Variants in GRIA1 observed in about 807,000 individuals in gnomAD.
GRIA1 encodes glutamate ionotropic receptor AMPA type subunit 1.
Under a neutral mutation model 99.2 loss-of-function variants are expected in GRIA1, and 31 were observed. That is an observed-to-expected ratio of 0.31 (90% CI 0.23 to 0.42). The LOEUF (loss-of-function observed/expected upper bound fraction) is 0.42, where lower values mean the gene tolerates loss of function less well. Among genes scored for constraint, GRIA1 ranks in the 10% least tolerant of loss-of-function variants. The pLI is 1.00. For synonymous variants in GRIA1, 438 were observed against 432.4 expected (o/e 1.01, Z -0.16); for missense variants, 782 against 1,157.5 (o/e 0.68, Z 4.71).
intron 2 of GRIA1, among the ~76,000 whole-genome samples, chr5:153,629,007 T>G (rs1752730946): frequency 6.6e-6 from 1 of 152,158 alleles, no homozygotes; most frequent in African/African-American, 2.4e-5. Context: ...AATCTTTTGT[T>G]TTACCAATGA....
chr5:153,674,387 T>C (rs980579209), intron 5 of GRIA1, 113 bp from the exon 6 acceptor site: 3 of 1,144,414 alleles, frequency 2.6e-6, no homozygotes, highest in South Asian at 1.4e-5. Context: ...TGTCTCTCCA[T>C]TGAGTAGGTT....
At chr5:153,613,375 T>A (rs894580557) in intron 2 of GRIA1, among the ~76,000 whole-genome samples, 1 of 152,240 alleles carries the variant, frequency 6.6e-6, no homozygotes, top group African/African-American at 2.4e-5. Context: ...ATTAGTCTTA[T>A]TTGTTTTCCA....
intron 2 of GRIA1, among the ~76,000 whole-genome samples, chr5:153,609,932 A>G (rs564635653): frequency 6.6e-6 from 1 of 152,218 alleles, no homozygotes; most frequent in African/African-American, 2.4e-5. Flanking sequence ...TAAGTCTGGC[A>G]TGATATGGTT....
chr5:153,747,591 A>ATGTT (rs1762244152), intron 11 of GRIA1, among the ~76,000 whole-genome samples: 2 of 152,188 alleles, frequency 1.3e-5, no homozygotes, highest in South Asian at 2.1e-4. Context: ...GATGGTGAAT[A>ATGTT]TGTTTGGGGC....
At chr5:153,651,334 A>G (rs1379290891) in intron 4 of GRIA1, among the ~76,000 whole-genome samples, 1 of 152,116 alleles carries the variant, frequency 6.6e-6, no homozygotes, top group East Asian at 1.9e-4. Context: ...TTGACAGTAC[A>G]TTCTTCTATA....
chr5:153,623,516 A>T (rs192737471), intron 2 of GRIA1, among the ~76,000 whole-genome samples: 3 of 152,246 alleles, frequency 2.0e-5, no homozygotes, highest in Non-Finnish European at 2.9e-5. Flanking sequence ...AAGAGAAGAC[A>T]CTAATTAAGT....
In GRIA1 at chr5:153,663,434, C is replaced by A. The variant is rs1009767679; in HGVS notation, c.699+7562C>A. On this transcript the variant is annotated intron_variant, in intron 5 of 15. Transcript: ENST00000285900. Reference sequence around the variant, plus strand: ...GAAATAAACTCCTTTCTTCCTTAAACTGCCTGGGTTTGAAATCTGGCTCAG... The same window carrying A: ...GAAATAAACTCCTTTCTTCCTTAAAATGCCTGGGTTTGAAATCTGGCTCAG... 2.0e-5 allele frequency among the ~76,000 whole-genome samples: 3 copies of A among 152,230 alleles called. No individual in the cohort carries two copies. In the East Asian group the frequency reaches 5.8e-4, roughly 29 times the overall value.
chr5:153,777,560 A>C (rs1006002445), intron 13 of GRIA1, among the ~76,000 whole-genome samples: 1 of 152,042 alleles, frequency 6.6e-6, no homozygotes, highest in African/African-American at 2.4e-5. Flanking sequence ...ATTAGTGTTC[A>C]TTTTCTACCC....
intron 4 of GRIA1, among the ~76,000 whole-genome samples, chr5:153,655,248 A>T (rs924527496): frequency 6.6e-6 from 1 of 152,186 alleles, no homozygotes; most frequent in African/African-American, 2.4e-5. Context: ...TACCTAACTG[A>T]TTCGGGGAGG....
At chr5:153,580,964 A>C (rs1762995410) in intron 2 of GRIA1, among the ~76,000 whole-genome samples, 1 of 152,210 alleles carries the variant, frequency 6.6e-6, no homozygotes, top group South Asian at 2.1e-4. Context: ...AAGACATCTT[A>C]TGACAGCTTT....
chr5:153,787,860 C>G (rs1370526527), intron 13 of GRIA1, among the ~76,000 whole-genome samples: 1 of 152,040 alleles, frequency 6.6e-6, no homozygotes, highest in Non-Finnish European at 1.5e-5. Context: ...GTGGGCAGAT[C>G]ACGAGATCAG....
intron 2 of GRIA1, among the ~76,000 whole-genome samples, chr5:153,551,809 T>C (rs1372143804): frequency 2.0e-5 from 3 of 152,082 alleles, no homozygotes; most frequent in African/African-American, 7.2e-5. Flanking sequence ...CTTTGAGGAG[T>C]AGTGTTTTCC....
At chr5:153,606,394 T>C (rs1417584529) in intron 2 of GRIA1, among the ~76,000 whole-genome samples, 2 of 152,090 alleles carry the variant, frequency 1.3e-5, no homozygotes, top group Non-Finnish European at 2.9e-5. Flanking sequence ...GACCTTTACA[T>C]TTACATACAA....
intron 15 of GRIA1, among the ~76,000 whole-genome samples, chr5:153,809,400 G>A (rs1428309000): frequency 6.6e-6 from 1 of 152,172 alleles, no homozygotes; most frequent in Non-Finnish European, 1.5e-5. Flanking sequence ...AGTGTGGGTG[G>A]TGCATCATAT....
rs59233877 is a variant in GRIA1, at chr5:153,607,042, G to GATATATATATATATATAT, written c.221-39876_221-39859dup. ...AGAATGATATAAACATATCACAAAA[G>GATATATATATATATATAT]ATATATATATATATATATATATATA... is the stretch of plus-strand genomic sequence containing the variant. On this transcript the variant is annotated intron_variant, in intron 2 of 15. Coordinates refer to ENST00000285900, the MANE Select transcript of GRIA1 (RefSeq NM_000827.4). Among the ~76,000 whole-genome samples the GATATATATATATATATAT allele has an allele frequency of 2.0e-3, 261 of 127,720 alleles. 1 individual carries two copies. The highest frequency in any genetic ancestry group is 6.0e-3 in the African/African-American group (208 of 34,620). The allele number at this position is 127,720 out of a possible 152,430, so 83.8% of individuals were successfully genotyped here.
intron 2 of GRIA1, among the ~76,000 whole-genome samples, chr5:153,586,771 A>T (rs1446649488): frequency 1.3e-5 from 2 of 152,208 alleles, no homozygotes; most frequent in Non-Finnish European, 2.9e-5. Flanking sequence ...AACTGACATT[A>T]TGAAATCTTT....
At chr5:153,584,640 G>C (rs1379001145) in intron 2 of GRIA1, among the ~76,000 whole-genome samples, 2 of 152,188 alleles carry the variant, frequency 1.3e-5, no homozygotes, top group Non-Finnish European at 2.9e-5. Context: ...TCCTTAGGGA[G>C]TGCATATTTT....
chr5:153,779,242 G>T (rs1249788234), intron 13 of GRIA1, among the ~76,000 whole-genome samples: 1 of 152,046 alleles, frequency 6.6e-6, no homozygotes, highest in Non-Finnish European at 1.5e-5. Flanking sequence ...AGATTCAGAG[G>T]GTAATGCTTT....
intron 11 of GRIA1, among the ~76,000 whole-genome samples, chr5:153,739,443 T>C (rs192877294): frequency 6.6e-6 from 1 of 152,330 alleles, no homozygotes; most frequent in African/African-American, 2.4e-5. Context: ...AGAAGCCTCC[T>C]GATAAATATC....
Sources: allele counts gnomAD v4.1 joint callset (sites outside exome capture counted in the v4.1 genomes callset), GRCh38; gene constraint gnomAD v4.1.1; transcripts MANE v1.5; gene names NCBI Gene and HGNC (gene_info 2026-07-23, HGNC 2026-07-21).